Variants in SHTN1 observed in about 807,000 individuals in gnomAD.
SHTN1 encodes the protein shootin-1.
A neutral mutation model predicts 83.1 loss-of-function variants in SHTN1; 42 were observed. That is an observed-to-expected ratio of 0.51 (90% CI 0.39 to 0.65). SHTN1 has a LOEUF of 0.65. SHTN1 is among the 30% of genes least tolerant of loss of function. SHTN1 has a pLI of 0.00. For synonymous variants in SHTN1, 224 were observed against 247.7 expected, an observed-to-expected ratio of 0.90 and a Z score of 0.90; for missense variants, 622 against 737.8, an observed-to-expected ratio of 0.84 and a Z score of 1.82.
chr10:116,898,122 G>A lies in SHTN1; in HGVS notation c.1673+3643C>T, dbSNP rs541096999. On this transcript the variant is annotated intron_variant, in intron 16 of 16. Transcript: ENST00000355371. Reference sequence around the variant, plus strand: ...GTGGGTGGATCACCTGAGGTCAGGAGTTCAAGACCAGCCTGACCAACATAG... The same window carrying A: ...GTGGGTGGATCACCTGAGGTCAGGAATTCAAGACCAGCCTGACCAACATAG... Among the ~76,000 whole-genome samples, 3 of 152,250 alleles carry A rather than the reference G, an allele frequency of 2.0e-5. No homozygotes were observed. In the South Asian group the frequency reaches 6.2e-4, roughly 32 times the overall value.
At chr10:117,065,362 T>C (rs1852961382) in intron 1 of SHTN1, among the ~76,000 whole-genome samples, 1 of 151,990 alleles carries the variant, frequency 6.6e-6, no homozygotes, top group South Asian at 2.1e-4. Context: ...ATGGAGAGCA[T>C]CCATCAAACA....
At chr10:117,076,960 C>T (rs967240215) in intron 1 of SHTN1, among the ~76,000 whole-genome samples, 14 of 152,214 alleles carry the variant, frequency 9.2e-5, no homozygotes, top group African/African-American at 3.4e-4. Context: ...AGTGTGCTGA[C>T]TTTATTGCTT....
At chr10:116,908,730 G>C (rs1848072433) in intron 14 of SHTN1, among the ~76,000 whole-genome samples, 1 of 152,140 alleles carries the variant, frequency 6.6e-6, no homozygotes, top group Non-Finnish European at 1.5e-5. Flanking sequence ...TTTTATTGAT[G>C]AATGTATCTT....
Position 116,940,533 on chromosome 10 carries a change from T to G in SHTN1, c.791A>C (p.Lys264Thr). The G allele has an allele frequency of 3.1e-6, 5 of 1,614,054 alleles. No homozygotes were observed. The South Asian group carries it at 5.5e-5, about 18-fold the overall frequency. ...GAGTTTTGCATTTTCGTCTAAAGCT[T>G]TCAAAAGCTGCTGATCAGGGATGGA... ...QSSIPDQQLL[K>T]ALDENAKLTQ... Residue 264 changes from lysine to threonine, a missense_variant, in exon 9 of 17, where the codon AAA (lysine) becomes ACA (threonine). By Grantham distance (78) the Lys-to-Thr change is moderately conservative (BLOSUM62 -1). This residue lies in a region of SHTN1 where 383 missense variants were observed against 455.8 expected (regional missense o/e 0.84). Transcript: ENST00000355371.
At chr10:116,933,065 T>C (rs925192810) in intron 9 of SHTN1, among the ~76,000 whole-genome samples, 31 of 152,250 alleles carry the variant, frequency 2.0e-4, no homozygotes, top group Non-Finnish European at 4.1e-4. Flanking sequence ...ATTCTTTCCC[T>C]CCCACCCTAT....
upstream of SHTN1, among the ~76,000 whole-genome samples, chr10:117,009,513 A>G (rs977499239): frequency 5.9e-5 from 9 of 152,162 alleles, no homozygotes; most frequent in Non-Finnish European, 1.2e-4. Flanking sequence ...GGTTATATTA[A>G]TATCAGACAA....
chr10:116,978,742 A>G (rs915281456), intron 2 of SHTN1, among the ~76,000 whole-genome samples: 4 of 152,210 alleles, frequency 2.6e-5, no homozygotes, highest in African/African-American at 9.6e-5. Context: ...GAAAATATTC[A>G]CCAGACTTCC....
chr10:116,890,360 G>A (rs966392854), intron 16 of SHTN1, among the ~76,000 whole-genome samples: 3 of 152,134 alleles, frequency 2.0e-5, no homozygotes, highest in Non-Finnish European at 2.9e-5. Context: ...GGATCACCAT[G>A]GTGAGCTAGT....
chr10:117,008,391 G>T (rs1210694107), upstream of SHTN1, among the ~76,000 whole-genome samples: 2 of 151,852 alleles, frequency 1.3e-5, no homozygotes, highest in Non-Finnish European at 1.5e-5. Flanking sequence ...GGAGAAGAAG[G>T]TTCACTGTCT....
At chr10:116,903,422 G>C (rs1002909516) in intron 15 of SHTN1, among the ~76,000 whole-genome samples, 4 of 152,138 alleles carry the variant, frequency 2.6e-5, no homozygotes, top group Admixed American at 6.5e-5. Context: ...CTACATGGGA[G>C]GCTGAGGCAA....
intron 1 of SHTN1, among the ~76,000 whole-genome samples, chr10:117,060,625 A>T (rs1589915650): frequency 6.6e-6 from 1 of 152,230 alleles, no homozygotes; most frequent in East Asian, 1.9e-4. Context: ...TGTCTATAGT[A>T]GGTCAACCAA....
chr10:117,068,068 G>A (rs1853028796), intron 1 of SHTN1, among the ~76,000 whole-genome samples: 1 of 152,092 alleles, frequency 6.6e-6, no homozygotes, highest in South Asian at 2.1e-4. Flanking sequence ...ACAGAGGCCT[G>A]GTCAGGCAGA....
chr10:116,923,768 C>T (rs1848645402), intron 11 of SHTN1, among the ~76,000 whole-genome samples: 1 of 152,152 alleles, frequency 6.6e-6, no homozygotes, highest in South Asian at 2.1e-4. Flanking sequence ...CCAGGCTGGT[C>T]CTGAACTCCT....
At chr10:117,031,529 AAAT>A (rs1226796880) in intron 2 of SHTN1, among the ~76,000 whole-genome samples, 2 of 152,218 alleles carry the variant, frequency 1.3e-5, no homozygotes, top group African/African-American at 4.8e-5. Context: ...AACAAATCAA[AAAT>A]AATAACTACA....
upstream of SHTN1, among the ~76,000 whole-genome samples, chr10:117,010,035 T>C (rs1564929905): frequency 2.0e-5 from 3 of 151,062 alleles, no homozygotes; most frequent in Admixed American, 6.6e-5. Flanking sequence ...CTTGAGAAAA[T>C]AGACAAGCAA....
intron 11 of SHTN1, among the ~76,000 whole-genome samples, 171 bp from the exon 12 acceptor site, chr10:116,921,687 C>T (rs936255729): frequency 4.6e-5 from 7 of 152,158 alleles, no homozygotes; most frequent in Non-Finnish European, 7.4e-5. Context: ...AAGAGAAACA[C>T]GTCTCATCCT....
At chr10:117,033,055 A>G (rs1852443250) in intron 2 of SHTN1, among the ~76,000 whole-genome samples, 1 of 152,160 alleles carries the variant, frequency 6.6e-6, no homozygotes, top group African/African-American at 2.4e-5. Context: ...CAAGAAGGAA[A>G]TTTATAGCTG....
chr10:117,113,464 T>A (rs182810784), intron 1 of SHTN1, among the ~76,000 whole-genome samples: 1 of 152,282 alleles, frequency 6.6e-6, no homozygotes, highest in African/African-American at 2.4e-5. Flanking sequence ...ATACTGTCAG[T>A]TTGCTTCTAA....
chr10:116,901,605 G>A (rs755479362), intron 16 of SHTN1, 160 bp downstream of exon 16: 166 of 985,154 alleles, frequency 1.7e-4, no homozygotes, highest in Non-Finnish European at 2.0e-4. Flanking sequence ...TCTTAGCTAG[G>A]AGCCTAGAAT....
Sources: allele counts gnomAD v4.1 joint callset (sites outside exome capture counted in the v4.1 genomes callset), GRCh38; gene constraint gnomAD v4.1.1; regional missense constraint gnomAD v4.1.1; transcripts MANE v1.5; gene names NCBI Gene and HGNC (gene_info 2026-07-23, HGNC 2026-07-21).